ZNF410: variants seen among roughly 807,000 people sequenced by gnomAD.
ZNF410 encodes another partner for ARF 1.
A neutral mutation model predicts 54.8 loss-of-function variants in ZNF410; 18 were observed. The observed-to-expected ratio is 0.33, with a 90% CI of 0.23 to 0.49. The LOEUF (loss-of-function observed/expected upper bound fraction) is 0.49, where lower values mean the gene tolerates loss of function less well. ZNF410 is among the 20% of genes least tolerant of loss of function. ZNF410 has a pLI of 0.99. For missense variants in ZNF410, 405 were observed against 569.6 expected (o/e 0.71, Z 2.94); for synonymous variants, 191 against 207.3 (o/e 0.92, Z 0.68).
chr14:73,911,836 AGTTGTT>A (rs370213161), intron 8 of ZNF410, among the ~76,000 whole-genome samples: 1,861 of 151,918 alleles, frequency 0.012, 27 homozygotes, highest in African/African-American at 0.042. Flanking sequence ...TTCTACATTG[AGTTGTT>A]GTTGTTGTTG....
rs1034558384 is a variant in ZNF410, at chr14:73,892,110, A to G, written c.-66A>G. On this transcript the variant is annotated 5_prime_UTR_variant, in exon 2 of 12. Coordinates refer to ENST00000555044, the MANE Select transcript of ZNF410 (RefSeq NM_021188.3). The stretch of plus-strand genomic sequence containing the variant: ...AGGAATATGAACATAACAGGAAGGT[A>G]TCATTGGCTCTGAATTAAATTTGAA... 5.3e-6 allele frequency: 8 copies of G among 1,508,644 alleles called. No individual in the cohort carries two copies. The highest frequency in any genetic ancestry group is 7.4e-6 in the Non-Finnish European group (8 of 1,083,976). 93.5% of individuals were successfully genotyped at this position (1,508,644 alleles called of 1,614,324 possible).
chr14:73,926,065 T>G (rs2055825173), intron 11 of ZNF410, among the ~76,000 whole-genome samples: 1 of 152,110 alleles, frequency 6.6e-6, no homozygotes, highest in Non-Finnish European at 1.5e-5. Context: ...CTTTATACTG[T>G]TCTTGTTTTA....
At chr14:73,921,266 A>G (rs1721007779) in intron 9 of ZNF410, 161 bp downstream of exon 9, 2 of 782,110 alleles carry the variant, frequency 2.6e-6, no homozygotes, top group Non-Finnish European at 3.8e-6. Flanking sequence ...GCTATACAGT[A>G]GAATCATCTG....
intron 7 of ZNF410, among the ~76,000 whole-genome samples, chr14:73,907,032 CTTTA>C: frequency 6.6e-6 from 1 of 152,118 alleles, no homozygotes; most frequent in East Asian, 1.9e-4. Context: ...TGTTGAGGCA[CTTTA>C]GTATGTACCA....
intron 4 of ZNF410, 62 bp downstream of exon 4, chr14:73,896,596 A>G: frequency 1.5e-6 from 2 of 1,305,874 alleles, no homozygotes; most frequent in Non-Finnish European, 2.2e-6. Flanking sequence ...GGTGGGGCAT[A>G]TTTAACTTAG....
rs745413610 is a variant in ZNF410, at chr14:73,898,276, G to T, written c.580+14G>T. ...CCAGCAGCAATGGTGAGGCCCGTCG[G>T]CATTTTCCTTGCCACTATTCTGTGC... On this transcript the variant is annotated intron_variant, in intron 5 of 11. Transcript: ENST00000555044. 1 of 1,613,636 alleles carries T rather than the reference G, an allele frequency of 6.2e-7. No individual in the cohort carries two copies. The highest frequency in any genetic ancestry group is 1.1e-5 in the South Asian group (1 of 91,056).
At chr14:73,909,276 A>G in intron 7 of ZNF410, 65 bp from the exon 8 acceptor site, 1 of 1,375,710 alleles carries the variant, frequency 7.3e-7, no homozygotes, top group Non-Finnish European at 1.0e-6. Context: ...AGTTGGTGGG[A>G]AAAGAGAGTA....
At chr14:73,910,753 C>CAAA (rs755623044) in intron 8 of ZNF410, among the ~76,000 whole-genome samples, 2 of 70,822 alleles carry the variant, frequency 2.8e-5, no homozygotes, top group African/African-American at 5.6e-5. Flanking sequence ...AACTCCGTCT[C>CAAA]AAAAAAAAAA....
intron 4 of ZNF410, 59 bp from the exon 5 acceptor site, chr14:73,898,012 C>A: frequency 6.9e-7 from 1 of 1,445,506 alleles, no homozygotes; most frequent in Non-Finnish European, 9.4e-7. Context: ...AGTCTCTGAG[C>A]CAGGGCAAAT....
At chr14:73,921,318 CA>C in intron 9 of ZNF410, 1 of 479,724 alleles carries the variant, frequency 2.1e-6, no homozygotes, top group Non-Finnish European at 3.5e-6. Flanking sequence ...CTTGTCCGCC[CA>C]CCAATAAAAC....
intron 6 of ZNF410, among the ~76,000 whole-genome samples, chr14:73,904,548 C>G (rs555844422): frequency 1.4e-4 from 21 of 152,218 alleles, no homozygotes; most frequent in Non-Finnish European, 2.4e-4. Flanking sequence ...ACTGCAGCCT[C>G]GAACTCCTGT....
At chr14:73,892,847 G>A (rs991529160) in intron 2 of ZNF410, among the ~76,000 whole-genome samples, 3 of 152,180 alleles carry the variant, frequency 2.0e-5, no homozygotes, top group South Asian at 2.1e-4. Context: ...TTGGGAGGCC[G>A]AGGCAGGTGG....
Position 73,919,886 on chromosome 14 carries a change from G to GTTTTTTTTTTTTTTTT in ZNF410, c.1004-1084_1004-1069dup, listed in dbSNP as rs1158550117. ...ATTCCACCCTGTTTCTATTGTATAG[G>GTTTTTTTTTTTTTTTT]TTTTTTTTTTTTTTTTTTTTTTTTT... On this transcript the variant is annotated intron_variant, in intron 8 of 11. Transcript: ENST00000555044. Among the ~76,000 whole-genome samples the GTTTTTTTTTTTTTTTT allele has an allele frequency of 1.5e-4, 9 of 62,028 alleles. 1 individual carries two copies. Among genetic ancestry groups the GTTTTTTTTTTTTTTTT allele is most frequent in the South Asian group, 1.5e-3 (2 of 1,362 alleles). The allele number at this position is 62,028 out of a possible 152,430, so 40.7% of individuals were successfully genotyped here.
rs140046412 is a variant in ZNF410, at chr14:73,925,859, A to G, written c.1398+2337A>G. Among the ~76,000 whole-genome samples, 12 of 152,150 alleles carry G rather than the reference A, an allele frequency of 7.9e-5. 1 individual carries two copies. The highest frequency in any genetic ancestry group is 2.6e-4 in the African/African-American group (11 of 41,532). On this transcript the variant is annotated intron_variant, in intron 11 of 11. Coordinates refer to ENST00000555044, the MANE Select transcript of ZNF410 (RefSeq NM_021188.3). ...CCAGCCTGGGCAACATAAGACCCCT[A>G]TCTCTACAAAAAATACAAAAAAAAA...
chr14:73,902,519 G>A (rs1467823313), intron 5 of ZNF410, among the ~76,000 whole-genome samples: 1 of 152,134 alleles, frequency 6.6e-6, no homozygotes, highest in African/African-American at 2.4e-5. Context: ...AGTATAGCAA[G>A]GAGAAGATTA....
intron 1 of ZNF410, among the ~76,000 whole-genome samples, chr14:73,889,303 A>C (rs1443799012): frequency 6.6e-6 from 1 of 152,036 alleles, no homozygotes; most frequent in African/African-American, 2.4e-5. Context: ...CCTCCCTAGT[A>C]GCTAGGACCA....
intron 11 of ZNF410, among the ~76,000 whole-genome samples, chr14:73,927,636 A>G (rs1452387352): frequency 1.3e-5 from 2 of 152,142 alleles, no homozygotes. Flanking sequence ...TAATTCATTC[A>G]GCGGCTAGTT....
chr14:73,913,905 A>G (rs1393876387), intron 8 of ZNF410: 3 of 152,250 alleles, frequency 2.0e-5, no homozygotes, highest in African/African-American at 7.2e-5. Flanking sequence ...GGCATGAGCC[A>G]CCACACTTGG....
Position 73,896,485 on chromosome 14 carries a change from A to G in ZNF410, c.339A>G (p.Leu113=). Residue 113 remains leucine (L), a synonymous_variant, in exon 4 of 12, where the codon CTA becomes CTG. Coordinates refer to ENST00000555044, the MANE Select transcript of ZNF410 (RefSeq NM_021188.3). ...TSESSSLLQD[L]QPSDSTSFIL... is the part of the protein sequence containing the mutation. ...AGTCTTCTAGCTTGTTGCAAGATCT[A>G]CAGCCAAGTGATAGCACTTCTTTTA... 6.2e-7 allele frequency: 1 copy of G among 1,614,198 alleles called. No homozygotes were observed.
Sources: gnomAD v4.1 joint callset for allele counts (sites outside exome capture counted in the v4.1 genomes callset) on GRCh38, gnomAD v4.1.1 for gene constraint, MANE v1.5 for transcripts, NCBI Gene and HGNC (gene_info 2026-07-23, HGNC 2026-07-21) for gene names.